HMGCLL1: variants seen among roughly 807,000 people sequenced by gnomAD.
HMGCLL1 encodes the protein 3-hydroxy-3-methylglutaryl-CoA lyase like 1, also known as 3-hydroxymethyl-3-methylglutaryl-CoA lyase, cytoplasmic.
In HMGCLL1, 36 loss-of-function variants were observed where a neutral mutation model predicts 39.1. That is an observed-to-expected ratio of 0.92 (90% CI 0.71 to 1.22). HMGCLL1 has a LOEUF of 1.22. HMGCLL1 is among the 50% of genes most tolerant of loss of function. The pLI, the probability that HMGCLL1 is intolerant of heterozygous loss-of-function variation, is 0.00. For missense variants in HMGCLL1, 451 were observed against 416.5 expected, an observed-to-expected ratio of 1.08 and a Z score of -0.72; for synonymous variants, 149 against 144.0, an observed-to-expected ratio of 1.03 and a Z score of -0.25.
the HMGCLL1 span, among the ~76,000 whole-genome samples, chr6:55,589,362 C>A: frequency 6.6e-6 from 1 of 152,072 alleles, no homozygotes. Context: ...ACGCTTCATG[C>A]TAAAAACTCT....
the HMGCLL1 span, among the ~76,000 whole-genome samples, chr6:55,673,322 T>C: frequency 6.6e-6 from 1 of 152,128 alleles, no homozygotes; most frequent in East Asian, 1.9e-4. Flanking sequence ...TGTGCACTTA[T>C]CAGCCTCGGC....
the HMGCLL1 span, among the ~76,000 whole-genome samples, chr6:55,637,714 A>ATGTGTG: frequency 0.15 from 22,466 of 148,556 alleles, 1,733 homozygotes; most frequent in Non-Finnish European, 0.17. Flanking sequence ...ATAATTTGAT[A>ATGTGTG]TGTGTGTGTG....
intron 1 of HMGCLL1, among the ~76,000 whole-genome samples, chr6:55,555,965 T>C (rs1304750708): frequency 6.6e-6 from 1 of 152,144 alleles, no homozygotes; most frequent in East Asian, 1.9e-4. Context: ...CCATTGGTAT[T>C]ACTGGCCATA....
intron 3 of HMGCLL1, among the ~76,000 whole-genome samples, chr6:55,525,428 T>G (rs982542723): frequency 2.0e-5 from 3 of 152,024 alleles, no homozygotes; most frequent in African/African-American, 7.2e-5. Flanking sequence ...ATTTTGAGCA[T>G]GCTTTCGTAT....
At chr6:55,532,435 A>G (rs1768736512) in intron 3 of HMGCLL1, among the ~76,000 whole-genome samples, 2 of 152,160 alleles carry the variant, frequency 1.3e-5, no homozygotes, top group Admixed American at 6.5e-5. Flanking sequence ...ATGCTGAGTA[A>G]TACCAAACGA....
upstream of HMGCLL1, among the ~76,000 whole-genome samples, chr6:55,581,192 G>GA (rs145593751): frequency 0.25 from 37,632 of 150,732 alleles, 4,888 homozygotes; most frequent in East Asian, 0.49. Context: ...GAACATTTAG[G>GA]GAAAAAAAAA....
the HMGCLL1 span, among the ~76,000 whole-genome samples, chr6:55,590,041 G>GA: frequency 5.3e-5 from 8 of 151,944 alleles, no homozygotes; most frequent in East Asian, 7.8e-4. Flanking sequence ...TCACAGAATT[G>GA]AAAAAAACTA....
chr6:55,653,646 G>C, the HMGCLL1 span, among the ~76,000 whole-genome samples: 2 of 151,894 alleles, frequency 1.3e-5, no homozygotes, highest in African/African-American at 4.8e-5. Context: ...TCCCTAAGAA[G>C]GTACCTTGCT....
intron 7 of HMGCLL1, among the ~76,000 whole-genome samples, chr6:55,490,334 T>C (rs1437651838): frequency 6.6e-6 from 1 of 152,080 alleles, no homozygotes; most frequent in Non-Finnish European, 1.5e-5. Flanking sequence ...ATGGAAACAA[T>C]GATTTACAAA....
chr6:55,606,586 A>G, the HMGCLL1 span, among the ~76,000 whole-genome samples: 1 of 152,136 alleles, frequency 6.6e-6, no homozygotes, highest in African/African-American at 2.4e-5. Flanking sequence ...AAAAATATTT[A>G]GGCAGATATT....
chr6:55,626,974 C>T, the HMGCLL1 span, among the ~76,000 whole-genome samples: 1 of 141,160 alleles, frequency 7.1e-6, no homozygotes, highest in East Asian at 2.2e-4. Context: ...CAATGGGAAA[C>T]TACAACAGCC....
chr6:55,609,060 G>T, the HMGCLL1 span, among the ~76,000 whole-genome samples: 885 of 152,318 alleles, frequency 5.8e-3, 8 homozygotes, highest in Non-Finnish European at 9.1e-3. Context: ...TGCAACCCAC[G>T]GATCGAAAGA....
chr6:55,595,947 C>G, the HMGCLL1 span, among the ~76,000 whole-genome samples: 15 of 152,250 alleles, frequency 9.9e-5, no homozygotes, highest in Admixed American at 7.2e-4. Flanking sequence ...GAATGAAATA[C>G]TTTGTAAATA....
At chr6:55,492,378 T>C (rs1309017952) in intron 7 of HMGCLL1, among the ~76,000 whole-genome samples, 5 of 152,212 alleles carry the variant, frequency 3.3e-5, no homozygotes, top group Admixed American at 2.0e-4. Flanking sequence ...TTGTTGTTGT[T>C]GGAAGAGGGG....
chr6:55,616,493 A>T, the HMGCLL1 span, among the ~76,000 whole-genome samples: 1 of 152,112 alleles, frequency 6.6e-6, no homozygotes, highest in Non-Finnish European at 1.5e-5. Flanking sequence ...TTCAGACTCC[A>T]CCTGAACCAT....
chr6:55,650,104 T>C, the HMGCLL1 span, among the ~76,000 whole-genome samples: 86 of 68,700 alleles, frequency 1.3e-3, no homozygotes, highest in African/African-American at 3.1e-3. Flanking sequence ...TATATATATA[T>C]ATATATATAT....
At chr6:55,671,289 T>C in the HMGCLL1 span, among the ~76,000 whole-genome samples, 1 of 151,736 alleles carries the variant, frequency 6.6e-6, no homozygotes, top group Non-Finnish European at 1.5e-5. Context: ...GTTGGAGAGA[T>C]TTGAAGCATG....
the HMGCLL1 span, among the ~76,000 whole-genome samples, chr6:55,612,543 T>C: frequency 1.3e-5 from 2 of 152,104 alleles, no homozygotes; most frequent in African/African-American, 2.4e-5. Context: ...CTACCTGACT[T>C]CAAACTACAC....
chr6:55,468,745 C>A (rs896400568), intron 7 of HMGCLL1, among the ~76,000 whole-genome samples: 4 of 151,824 alleles, frequency 2.6e-5, no homozygotes, highest in Non-Finnish European at 4.4e-5. Flanking sequence ...AAAATTTAAT[C>A]ATAGACATTT....
Sources: gnomAD v4.1 joint callset for allele counts (sites outside exome capture counted in the v4.1 genomes callset) on GRCh38, gnomAD v4.1.1 for gene constraint, MANE v1.5 for transcripts, NCBI Gene and HGNC (gene_info 2026-07-23, HGNC 2026-07-21) for gene names.